MYO19: variants seen among roughly 807,000 people sequenced by gnomAD.
The protein encoded by MYO19 is unconventional myosin-XIX.
Under a neutral mutation model 129.2 loss-of-function variants are expected in MYO19, and 132 were observed. That is an observed-to-expected ratio of 1.02 (90% CI 0.89 to 1.18). The LOEUF is 1.18. MYO19 is among the 50% of genes most tolerant of loss of function. The probability of loss-of-function intolerance (pLI) is 0.00; values close to 1 mark genes in which losing one functional copy is unlikely to be tolerated. For missense variants in MYO19, 1,210 were observed against 1,216.7 expected (o/e 0.99, Z 0.08); for synonymous variants, 531 against 477.2 (o/e 1.11, Z -1.47).
At position 36,501,210 on chromosome 17, in the gene MYO19, G is replaced by A. The variant is rs1416213416; in HGVS notation, c.2106C>T (p.Ala702=). ...TGTCCTGGATGAGAGGTTCAAGCGT[G>A]GCTTCCTCGCTGTGTGGACACCATT... ...LPEWCPHSEE[A]TLEPLIQDIL... Residue 702 remains alanine (A), a synonymous_variant, in exon 22 of 26, where the codon GCC becomes GCT. Coordinates refer to ENST00000614623, the MANE Select transcript of MYO19 (RefSeq NM_001163735.2). The A allele has an allele frequency of 8.1e-6, 13 of 1,613,184 alleles. No homozygotes were observed. Among genetic ancestry groups the A allele is most frequent in the Non-Finnish European group, 1.0e-5 (12 of 1,179,392 alleles).
chr17:36,527,550 C>A lies in MYO19; in HGVS notation c.300+1G>T, dbSNP rs778949273. 1 of 1,613,024 alleles carries A rather than the reference C, an allele frequency of 6.2e-7. No homozygotes were observed. The highest frequency in any genetic ancestry group is 1.1e-5 in the South Asian group (1 of 90,940). On this transcript the variant is annotated splice_donor_variant, in intron 5 of 25. Transcript: ENST00000614623. LOFTEE classifies it high-confidence loss of function. ...GGCCACAGGCAGCGGCAGAGCCTTA[C>A]CTGGGGCTGAGGCGCAGCATGGTAC...
intron 13 of MYO19, 123 bp downstream of exon 13, chr17:36,510,623 A>C: frequency 9.3e-7 from 1 of 1,076,650 alleles, no homozygotes; most frequent in Non-Finnish European, 1.3e-6. Context: ...AGGGAGAGGA[A>C]CCAGTCTGTC....
chr17:36,508,862 G>A, intron 14 of MYO19, 200 bp downstream of exon 14: 1 of 608,590 alleles, frequency 1.6e-6, no homozygotes, highest in Non-Finnish European at 2.9e-6. Context: ...GTTATGGACT[G>A]CTCAGATGTG....
chr17:36,497,937 C>G, intron 25 of MYO19: 1 of 308,850 alleles, frequency 3.2e-6, no homozygotes, highest in Non-Finnish European at 6.0e-6. Flanking sequence ...AGCCTTGGTT[C>G]TCACAGTGTG....
At chr17:36,513,111 T>C in intron 11 of MYO19, 3 of 1,352,894 alleles carry the variant, frequency 2.2e-6, no homozygotes, top group Non-Finnish European at 2.8e-6. Flanking sequence ...TAAGTTTTAA[T>C]GTACTAGACA....
chr17:36,537,735 C>G, upstream of MYO19: 1 of 1,614,014 alleles, frequency 6.2e-7, no homozygotes, highest in South Asian at 1.1e-5. Context: ...ATTAGTCTTC[C>G]TAGGAATCGG....
chr17:36,513,601 G>A (rs772954439), intron 10 of MYO19, 28 bp downstream of exon 10: 20 of 1,613,706 alleles, frequency 1.2e-5, no homozygotes, highest in African/African-American at 2.7e-5. Flanking sequence ...CTGGGTCAGC[G>A]CAAGGTGCTG....
At chr17:36,501,371 GTTC>G (rs948972423) in intron 21 of MYO19, 136 bp from the exon 22 acceptor site, 140 of 935,568 alleles carry the variant, frequency 1.5e-4, no homozygotes, top group Non-Finnish European at 2.0e-4. Context: ...TTTTCTCCTT[GTTC>G]TTCTTTTGGA....
rs751989276 is a variant in MYO19, at chr17:36,510,883, G to A, written c.1020C>T (p.Leu340=). ...SVRTAASLLG[L]PEDVLLEMVQ... is the part of the protein sequence containing the mutation. ...CCATCTCCAGCAGCACGTCCTCTGG[G>A]AGCCCCAGCAGCGAGGCTGCCGTCC... The change falls in exon 13 of 26, where the codon CTC becomes CTT. Residue 340 remains leucine (L), a synonymous_variant. Coordinates refer to ENST00000614623, the MANE Select transcript of MYO19 (RefSeq NM_001163735.2). 3 of 1,582,232 alleles carry A rather than the reference G, an allele frequency of 1.9e-6. No homozygotes were observed. The highest frequency in any genetic ancestry group is 2.7e-5 in the African/African-American group (2 of 74,206).
chr17:36,506,259 A>G (rs2071877774), intron 18 of MYO19, among the ~76,000 whole-genome samples, 197 bp downstream of exon 18: 1 of 152,106 alleles, frequency 6.6e-6, no homozygotes, highest in Admixed American at 6.5e-5. Context: ...ACTTCCCATC[A>G]TATTATACCT....
At position 36,527,677 on chromosome 17, in the gene MYO19, C is replaced by G; in HGVS notation, c.174G>C (p.Arg58=). ...TGGTGTAGAATGTGTCTGCCATGTA[C>G]CGGGCCTGCAGGCACCTCAGGACTG... is the stretch of plus-strand genomic sequence containing the variant. The part of the protein sequence containing the change: ...LETVLRCLQA[R]YMADTFYTNA... The change falls in exon 5 of 26, where the codon CGG becomes CGC. Residue 58 remains arginine, a synonymous_variant. Coordinates refer to ENST00000614623, the MANE Select transcript of MYO19 (RefSeq NM_001163735.2). 1 of 1,613,448 alleles carries G rather than the reference C, an allele frequency of 6.2e-7. No individual in the cohort carries two copies. The highest frequency in any genetic ancestry group is 8.5e-7 in the Non-Finnish European group (1 of 1,179,638).
chr17:36,518,470 G>T (rs1179318490), intron 6 of MYO19, among the ~76,000 whole-genome samples: 9 of 112,614 alleles, frequency 8.0e-5, no homozygotes, highest in Non-Finnish European at 1.5e-4. Flanking sequence ...ACTCCAGCCT[G>T]GGCCAGAGGA....
At chr17:36,529,803 T>C (rs2073719138) in intron 3 of MYO19, among the ~76,000 whole-genome samples, 1 of 152,322 alleles carries the variant, frequency 6.6e-6, no homozygotes, top group South Asian at 2.1e-4. Context: ...AGTATAGTGA[T>C]CAAGTACCTG....
chr17:36,535,920 T>C (rs572374685), upstream of MYO19, among the ~76,000 whole-genome samples: 10 of 152,318 alleles, frequency 6.6e-5, no homozygotes, highest in South Asian at 2.1e-3. Context: ...GCTAGGACTT[T>C]TATTTTTAAT....
intron 25 of MYO19, chr17:36,497,851 C>T (rs1360365860): frequency 5.9e-6 from 1 of 170,410 alleles, no homozygotes; most frequent in Non-Finnish European, 1.3e-5. Flanking sequence ...TCCCAAAGTA[C>T]TGGGATTATA....
At chr17:36,544,100 G>A (rs1278342152), upstream of MYO19, among the ~76,000 whole-genome samples, 2 of 152,246 alleles carry the variant, frequency 1.3e-5, no homozygotes, top group African/African-American at 4.8e-5. Flanking sequence ...CAGCAGCTCT[G>A]CTTCCTCGGA....
chr17:36,537,212 G>A (rs753259406), upstream of MYO19: 1 of 1,614,192 alleles, frequency 6.2e-7, no homozygotes, highest in Admixed American at 1.7e-5. Context: ...TGTGCAGAGG[G>A]TTCCTGATCA....
Position 36,515,901 on chromosome 17 carries a change from TA to T in MYO19, c.503del (p.Ile168LysfsTer6). The T allele has an allele frequency of 6.2e-7, 1 of 1,613,902 alleles. No individual in the cohort carries two copies. Among genetic ancestry groups the T allele is most frequent in the Non-Finnish European group, 8.5e-7 (1 of 1,179,808 alleles). On this transcript the variant is annotated frameshift_variant, in exon 7 of 26. Transcript: ENST00000614623. LOFTEE classifies it high-confidence loss of function. ...GGTTGGAGTTCAGGATCCTCTGTTC[TA>T]TCCTCTCTGCAATCTTGTGGCTCTC... is the stretch of plus-strand genomic sequence containing the variant. ...SWESHKIAERIEQRILNSNPV... is the reference protein window; with the variant it reads ...SWESHKIAERXEQRILNSNPV...
chr17:36,520,275 C>A (rs201029824), intron 6 of MYO19, among the ~76,000 whole-genome samples: 1 of 152,150 alleles, frequency 6.6e-6, no homozygotes, highest in East Asian at 1.9e-4. Context: ...TGCACCTGGT[C>A]CTTAAGATTT....
Sources: gnomAD v4.1 joint callset for allele counts (sites outside exome capture counted in the v4.1 genomes callset) on GRCh38, gnomAD v4.1.1 for gene constraint, MANE v1.5 for transcripts, NCBI Gene and HGNC (gene_info 2026-07-23, HGNC 2026-07-21) for gene names.